Variants in COL11A1 observed in about 807,000 individuals in gnomAD.
The protein encoded by COL11A1 is collagen type XI alpha 1 chain.
Under a neutral mutation model 265.2 loss-of-function variants are expected in COL11A1, and 74 were observed. The ratio of observed to expected loss-of-function variants is 0.28; its 90% confidence interval spans 0.23 to 0.34. The LOEUF is 0.34. Ranked by LOEUF, COL11A1 falls within the 10% of genes least tolerant of loss-of-function variation. COL11A1 has a pLI of 1.00. For missense variants in COL11A1, 2,165 were observed against 2,263.6 expected (o/e 0.96, Z 0.88); for synonymous variants, 816 against 727.6 (o/e 1.12, Z -1.96).
At chr1:103,077,879 C>T (rs184212670) in intron 3 of COL11A1, among the ~76,000 whole-genome samples, 1 of 152,202 alleles carries the variant, frequency 6.6e-6, no homozygotes, top group Admixed American at 6.5e-5. Flanking sequence ...TACTTAAACT[C>T]TCTGAGCCTC....
rs17127276 is a variant in COL11A1, at chr1:102,943,310, C to T, written c.3277-2876G>A. Among the ~76,000 whole-genome samples, 676 of 151,868 alleles carry T rather than the reference C, an allele frequency of 4.5e-3. 29 individuals carry two copies. The East Asian group carries it at 0.096, about 22-fold the overall frequency. On this transcript the variant is annotated intron_variant, in intron 42 of 66. Coordinates refer to ENST00000370096, the MANE Select transcript of COL11A1 (RefSeq NM_001854.4). ...TAGAATTAATCTAAAGGTATAAATACCCAGCAGGTAAAATCCCAGTCTCTT... is the reference window on the plus strand; with the variant it reads ...TAGAATTAATCTAAAGGTATAAATATCCAGCAGGTAAAATCCCAGTCTCTT...
At chr1:102,948,850 G>A (rs1044065221) in intron 41 of COL11A1, among the ~76,000 whole-genome samples, 6 of 151,884 alleles carry the variant, frequency 4.0e-5, no homozygotes, top group African/African-American at 1.4e-4. Context: ...GATTATAGAA[G>A]TCAATGCAGT....
At chr1:102,898,893 T>C in intron 55 of COL11A1, 48 bp downstream of exon 55, 1 of 1,084,304 alleles carries the variant, frequency 9.2e-7, no homozygotes, top group Non-Finnish European at 1.3e-6. Context: ...TAATACCTTG[T>C]ATATATAATA....
chr1:103,026,413 T>C (rs981741627), intron 5 of COL11A1, 81 bp from the exon 6 acceptor site: 1 of 893,004 alleles, frequency 1.1e-6, no homozygotes, highest in African/African-American at 1.6e-5. Context: ...TCTTAACTTT[T>C]ACATAGTGTA....
chr1:103,001,851 A>G, intron 24 of COL11A1, 74 bp downstream of exon 24: 1 of 1,355,716 alleles, frequency 7.4e-7, no homozygotes, highest in Non-Finnish European at 1.1e-6. Context: ...AACAGAAGGC[A>G]GACCTTATAC....
intron 30 of COL11A1, 143 bp downstream of exon 30, chr1:102,987,490 G>C: frequency 1.4e-6 from 1 of 739,028 alleles, no homozygotes; most frequent in South Asian, 1.5e-5. Flanking sequence ...AAATGTAATG[G>C]TTGCAAATTT....
chr1:102,925,033 G>A (rs1042778904), intron 46 of COL11A1, among the ~76,000 whole-genome samples: 10 of 151,538 alleles, frequency 6.6e-5, no homozygotes, highest in East Asian at 1.9e-4. Context: ...AATTTTTAAT[G>A]TTTGCATAAT....
At chr1:103,063,281 AAGAC>A (rs1242183044) in intron 4 of COL11A1, among the ~76,000 whole-genome samples, 1 of 152,106 alleles carries the variant, frequency 6.6e-6, no homozygotes, top group African/African-American at 2.4e-5. Context: ...GTAAAGAACA[AAGAC>A]AGAGAACTGA....
At chr1:102,990,817 G>A (rs1664054065) in intron 28 of COL11A1, among the ~76,000 whole-genome samples, 1 of 152,066 alleles carries the variant, frequency 6.6e-6, no homozygotes, top group Non-Finnish European at 1.5e-5. Context: ...TGGATCATCT[G>A]AGGTAAGGAG....
chr1:102,883,159 G>T, intron 64 of COL11A1, 40 bp downstream of exon 64: 1 of 1,295,304 alleles, frequency 7.7e-7, no homozygotes, highest in South Asian at 1.2e-5. Context: ...AACATGGCAG[G>T]AACTGTCAAC....
chr1:103,097,630 A>G (rs1673885769), intron 1 of COL11A1, among the ~76,000 whole-genome samples: 2 of 152,040 alleles, frequency 1.3e-5, no homozygotes. Context: ...GCAGGATTAT[A>G]ACTATCTTTG....
At chr1:103,017,934 T>C (rs908189159) in intron 10 of COL11A1, 52 bp from the exon 11 acceptor site, 4 of 1,387,252 alleles carry the variant, frequency 2.9e-6, no homozygotes, top group African/African-American at 1.4e-5. Flanking sequence ...CATTAATATT[T>C]AGATGAATTC....
chr1:103,027,399 ATATATATATATATAT>A lies in COL11A1; in HGVS notation c.781-1082_781-1068del, dbSNP rs1667613820. On this transcript the variant is annotated intron_variant, in intron 5 of 66. Coordinates refer to ENST00000370096, the MANE Select transcript of COL11A1 (RefSeq NM_001854.4). ...AAACTCAACAAGTTAAAACTCTAATATATATATATATATATATATATATATATATATATATATATA... is the reference window on the plus strand; with the variant it reads ...AAACTCAACAAGTTAAAACTCTAATAATATATATATATATATATATATATA... Among the ~76,000 whole-genome samples the A allele has an allele frequency of 4.3e-3, 77 of 18,004 alleles. 2 individuals are homozygous for A. Among genetic ancestry groups the A allele is most frequent in the Non-Finnish European group, 9.5e-3 (48 of 5,058 alleles). 11.8% of individuals were successfully genotyped at this position (18,004 alleles called of 152,430 possible).
At chr1:102,935,354 ATGT>A (rs375001998) in intron 44 of COL11A1, among the ~76,000 whole-genome samples, 38 of 152,346 alleles carry the variant, frequency 2.5e-4, no homozygotes, top group African/African-American at 8.7e-4. Context: ...CTCATTTGTA[ATGT>A]TGTGAATCTT....
intron 54 of COL11A1, among the ~76,000 whole-genome samples, chr1:102,903,958 G>T (rs1024457627): frequency 6.6e-6 from 1 of 152,078 alleles, no homozygotes; most frequent in South Asian, 2.1e-4. Flanking sequence ...GAACTCCTGG[G>T]CTCAAGCTAT....
At chr1:102,946,387 T>C (rs1659274001) in intron 42 of COL11A1, among the ~76,000 whole-genome samples, 1 of 152,028 alleles carries the variant, frequency 6.6e-6, no homozygotes. Flanking sequence ...ATTAGTGAGA[T>C]GTTCCCTGTC....
At chr1:102,922,981 T>G (rs1656167426) in intron 47 of COL11A1, among the ~76,000 whole-genome samples, 1 of 152,190 alleles carries the variant, frequency 6.6e-6, no homozygotes, top group Admixed American at 6.5e-5. Context: ...ATTATATGCA[T>G]TTCAAATTTT....
In COL11A1 at chr1:102,943,976, CCTTT is replaced by C. The variant is rs546209262; in HGVS notation, c.3276+2869_3276+2872del. ...AATTAAATTGGAGAAGGTTTTAGCCCCTTTCTTCTTACCTGCTTTCCAGACTCAC... is the reference window on the plus strand; with the variant it reads ...AATTAAATTGGAGAAGGTTTTAGCCCCTTCTTACCTGCTTTCCAGACTCAC... On this transcript the variant is annotated intron_variant, in intron 42 of 66. Coordinates refer to ENST00000370096, the MANE Select transcript of COL11A1 (RefSeq NM_001854.4). 5.9e-5 allele frequency among the ~76,000 whole-genome samples: 9 copies of C among 152,126 alleles called. No homozygotes were observed. In the South Asian group the frequency reaches 1.9e-3, roughly 32 times the overall value.
chr1:103,004,312 G>C (rs926125085), intron 20 of COL11A1, 132 bp downstream of exon 20: 1 of 668,806 alleles, frequency 1.5e-6, no homozygotes, highest in African/African-American at 1.8e-5. Flanking sequence ...TTTTTCGCAT[G>C]GCAATTATCT....
Sources: gnomAD v4.1 joint callset for allele counts (sites outside exome capture counted in the v4.1 genomes callset) on GRCh38, gnomAD v4.1.1 for gene constraint, MANE v1.5 for transcripts, NCBI Gene and HGNC (gene_info 2026-07-23, HGNC 2026-07-21) for gene names.